CCDC136: variants seen among roughly 807,000 people sequenced by gnomAD.
CCDC136 encodes coiled-coil domain containing 136, also known as coiled-coil domain-containing protein 136.
Under a neutral mutation model 141.2 loss-of-function variants are expected in CCDC136, and 100 were observed. The observed-to-expected ratio is 0.71, with a 90% CI of 0.60 to 0.84. CCDC136 has a LOEUF of 0.84. Ranked by LOEUF, CCDC136 falls within the 40% of genes least tolerant of loss-of-function variation. The probability of loss-of-function intolerance (pLI) is 0.00; values close to 1 mark genes in which losing one functional copy is unlikely to be tolerated. For missense variants in CCDC136, 1,206 were observed against 1,379.4 expected (o/e 0.87, Z 1.99); for synonymous variants, 474 against 531.9 (o/e 0.89, Z 1.50).
Position 128,807,475 on chromosome 7 carries a change from G to A in CCDC136, c.1535G>A (p.Cys512Tyr), listed in dbSNP as rs1044812868. The A allele has an allele frequency of 2.6e-6, 4 of 1,545,034 alleles. No individual in the cohort carries two copies. The African/African-American group carries it at 4.1e-5, about 16-fold the overall frequency. The change falls in exon 10 of 18, where the codon TGC becomes TAC. Residue 512 changes from cysteine (C) to tyrosine (Y), a missense_variant. Cys to Tyr is a radical substitution (Grantham distance 194, BLOSUM62 -2). Coordinates refer to ENST00000297788, the MANE Select transcript of CCDC136 (RefSeq NM_022742.5). The stretch of plus-strand genomic sequence containing the variant: ...CAGCTGGAGCAGGACCTCCTGCTCT[G>A]CCAGCTGGAGCTGAAAGAGCTCAAG... Reference protein sequence around the residue: ...YDQLEQDLLLCQLELKELKAS... With the variant: ...YDQLEQDLLLYQLELKELKAS...
chr7:128,792,463 C>T, intron 1 of CCDC136, 36 bp downstream of exon 1: 1 of 1,516,820 alleles, frequency 6.6e-7, no homozygotes, highest in Non-Finnish European at 9.0e-7. Context: ...CTTTCCCCTC[C>T]CCTCCTCCCT....
chr7:128,811,890 G>A lies in CCDC136; in HGVS notation c.2119G>A (p.Gly707Arg). The A allele has an allele frequency of 6.2e-7, 1 of 1,613,680 alleles. No individual in the cohort carries two copies. Among genetic ancestry groups the A allele is most frequent in the Non-Finnish European group, 8.5e-7 (1 of 1,179,680 alleles). ...AKQELLQQEQ[G>R]RLLEERKRLQ... ...GCAGGAGCTCTTGCAGCAAGAGCAA[G>A]GGAGGCTCCTAGAGGAGCGGAAGAG... Residue 707 changes from glycine (G) to arginine (R), a missense_variant, in exon 13 of 18, where the codon GGG becomes AGG. Gly to Arg is a moderately radical substitution (Grantham distance 125). Transcript: ENST00000297788.
intron 15 of CCDC136, 113 bp downstream of exon 15, chr7:128,815,032 G>C: frequency 1.0e-6 from 1 of 957,560 alleles, no homozygotes; most frequent in African/African-American, 1.7e-5. Context: ...GAAGCTTCTG[G>C]GATCTCTGAA....
chr7:128,805,974 G>A lies in CCDC136; in HGVS notation c.1089+73G>A. ...ATGGAGGGGCTGCTTCAACCGGGGT[G>A]GGCACAGTGAGTATGGCTGTGCTCT... On this transcript the variant is annotated intron_variant, in intron 7 of 17. Coordinates refer to ENST00000297788, the MANE Select transcript of CCDC136 (RefSeq NM_022742.5). This position sits in a 1 kb window ranked among gnomAD's most constrained non-coding sequence, Gnocchi z 4.6. The A allele has an allele frequency of 4.5e-6, 7 of 1,558,618 alleles. No individual in the cohort carries two copies. Among genetic ancestry groups the A allele is most frequent in the Non-Finnish European group, 5.3e-6 (6 of 1,136,166 alleles).
intron 10 of CCDC136, chr7:128,809,168 G>T (rs553819398): frequency 5.4e-6 from 2 of 367,656 alleles, no homozygotes; most frequent in East Asian, 6.1e-5. Context: ...AAGGGGCATC[G>T]ATAGCATTCC....
Position 128,817,819 on chromosome 7 carries a change from C to T in CCDC136, c.3425C>T (p.Ser1142Leu), listed in dbSNP as rs750620928. 2.5e-5 allele frequency: 41 copies of T among 1,613,876 alleles called. No individual in the cohort carries two copies. In the East Asian group the frequency reaches 2.9e-4, roughly 11 times the overall value. ...CCTCTTGTAGGCCTGGTGGTCATCTCGGCTTTGCTCTGGTGCTGGTGGGCT... is the reference window on the plus strand; with the variant it reads ...CCTCTTGTAGGCCTGGTGGTCATCTTGGCTTTGCTCTGGTGCTGGTGGGCT... The part of the protein sequence containing the change: ...SLPLVGLVVI[S>L]ALLWCWWAET... Residue 1142 changes from serine to leucine, a missense_variant, in exon 17 of 18, where the codon TCG (serine) becomes TTG (leucine). By Grantham distance (145) the Ser-to-Leu change is moderately radical. Transcript: ENST00000297788. The surrounding 1 kb of genome is among the most constrained non-coding windows in gnomAD (Gnocchi z 4.6).
In CCDC136 at chr7:128,792,083, C is replaced by G; in HGVS notation, c.-329C>G. On this transcript the variant is annotated 5_prime_UTR_variant, in exon 1 of 18. Transcript: ENST00000297788. ...GACTAAATACGCACACCCCCTCTTTCTTTCTGTGCAAGCAAGAGGGTCCTG... is the reference window on the plus strand; with the variant it reads ...GACTAAATACGCACACCCCCTCTTTGTTTCTGTGCAAGCAAGAGGGTCCTG... 1 of 1,345,236 alleles carries G rather than the reference C, an allele frequency of 7.4e-7. No homozygotes were observed. 83.3% of individuals were successfully genotyped at this position (1,345,236 alleles called of 1,614,324 possible). A position where few individuals can be genotyped will look rare whatever the true frequency, so the allele number is the denominator to read the frequency against.
intron 3 of CCDC136, among the ~76,000 whole-genome samples, chr7:128,797,863 G>A (rs1334818025): frequency 1.3e-5 from 2 of 150,732 alleles, no homozygotes; most frequent in Middle Eastern, 3.2e-3. Flanking sequence ...TCAAACGGGC[G>A]AAAAGTCAGA....
intron 14 of CCDC136, among the ~76,000 whole-genome samples, 197 bp from the exon 15 acceptor site, chr7:128,814,441 G>A (rs1806268240): frequency 6.6e-6 from 1 of 152,138 alleles, no homozygotes; most frequent in Non-Finnish European, 1.5e-5. Context: ...CTCAAGTTAG[G>A]AGAAGCTATT....
chr7:128,791,848 G>A, upstream of CCDC136: 1 of 382,646 alleles, frequency 2.6e-6, no homozygotes, highest in Admixed American at 4.6e-5. This position sits in a 1 kb window ranked among gnomAD's most constrained non-coding sequence, Gnocchi z 7.1. Flanking sequence ...CTGCAGCCCC[G>A]GAGACTCCTG....
Position 128,809,462 on chromosome 7 carries a change from C to G in CCDC136, c.1618C>G (p.Leu540Val). ...GKCANKCDTL[L>V]SRLTELQEKY... ...CCCCCACCCACAGTGTGACACACTG[C>G]TGTCCAGACTGACAGAATTGCAGGA... The change falls in exon 11 of 18, where the codon CTG (leucine) becomes GTG (valine). Residue 540 changes from leucine to valine, a missense_variant. Physicochemically the swap from Leu to Val is conservative, Grantham distance 32. Transcript: ENST00000297788. 1 of 1,545,110 alleles carries G rather than the reference C, an allele frequency of 6.5e-7. No homozygotes were observed.
Position 128,796,735 on chromosome 7 carries a change from A to ATT in CCDC136, c.346+1968_346+1969insTT, listed in dbSNP as rs1562903685. Among the ~76,000 whole-genome samples the ATT allele has an allele frequency of 2.5e-5, 3 of 120,058 alleles. 1 individual carries two copies. The South Asian group carries it at 7.6e-4, about 30-fold the overall frequency. 78.8% of individuals were successfully genotyped at this position (120,058 alleles called of 152,430 possible). A position where few individuals can be genotyped will look rare whatever the true frequency, so the allele number is the denominator to read the frequency against. On this transcript the variant is annotated intron_variant, in intron 3 of 17. Transcript: ENST00000297788. ...GAGATGATTCAGAATATATATATAT[A>ATT]TATATTCTTTTTTTTTTTTTTTTTG... is the stretch of plus-strand genomic sequence containing the variant.
At chr7:128,798,066 C>T (rs1173098498) in intron 3 of CCDC136, among the ~76,000 whole-genome samples, 1 of 150,880 alleles carries the variant, frequency 6.6e-6, no homozygotes, top group East Asian at 2.0e-4. Flanking sequence ...TACAGGCGCC[C>T]GCCACCACAC....
At chr7:128,807,106 A>G (rs745363846) in intron 9 of CCDC136, among the ~76,000 whole-genome samples, 3 of 152,188 alleles carry the variant, frequency 2.0e-5, no homozygotes, top group Non-Finnish European at 4.4e-5. Flanking sequence ...AGGAAGCCCC[A>G]GAAGGTCTGT....
intron 3 of CCDC136, among the ~76,000 whole-genome samples, chr7:128,799,639 T>A (rs1803679291): frequency 2.0e-5 from 3 of 149,848 alleles, no homozygotes; most frequent in Non-Finnish European, 4.5e-5. Flanking sequence ...AGGACTTCTC[T>A]TATTTTTTTT....
chr7:128,801,195 G>A lies in CCDC136; in HGVS notation c.356G>A (p.Arg119His), dbSNP rs536247832. The change falls in exon 4 of 18, where the codon CGT becomes CAT. Residue 119 changes from arginine to histidine, a missense_variant. Physicochemically the swap from Arg to His is conservative, Grantham distance 29 (BLOSUM62 0). Coordinates refer to ENST00000297788, the MANE Select transcript of CCDC136 (RefSeq NM_022742.5). ...KQIQQLQGEL[R>H]SLREEISLLE... ...CCTTTGGACTTTGCAGGTGAGCTGCGTTCTCTACGGGAGGAGATTTCCCTG... is the reference window on the plus strand; with the variant it reads ...CCTTTGGACTTTGCAGGTGAGCTGCATTCTCTACGGGAGGAGATTTCCCTG... 55 of 1,611,262 alleles carry A rather than the reference G, an allele frequency of 3.4e-5. No homozygotes were observed. Among genetic ancestry groups the A allele is most frequent in the African/African-American group, 1.1e-4 (8 of 74,874 alleles).
At chr7:128,812,573 G>T (rs1805922184) in intron 13 of CCDC136, 135 bp from the exon 14 acceptor site, 2 of 738,548 alleles carry the variant, frequency 2.7e-6, no homozygotes, top group South Asian at 1.7e-5. Context: ...CTTTATGGGG[G>T]TAAATATAGT....
Position 128,817,628 on chromosome 7 carries a change from T to G in CCDC136, c.3364-130T>G. On this transcript the variant is annotated intron_variant, in intron 16 of 17. Transcript: ENST00000297788. The surrounding 1 kb of genome is among the most constrained non-coding windows in gnomAD (Gnocchi z 4.6). The stretch of plus-strand genomic sequence containing the variant: ...CATGCAACTGCTCTAGCTTACCTGT[T>G]TTTTAACCTCTTGATTCCTTTCTCT... The G allele has an allele frequency of 1.2e-6, 1 of 811,850 alleles. No individual in the cohort carries two copies. Among genetic ancestry groups the G allele is most frequent in the Non-Finnish European group, 2.2e-6 (1 of 457,134 alleles). The allele number at this position is 811,850 out of a possible 1,614,324, so 50.3% of individuals were successfully genotyped here.
rs1313876545 is a variant in CCDC136, at chr7:128,804,648, A to G, written c.671-2A>G. 4.5e-6 allele frequency: 7 copies of G among 1,552,674 alleles called. No individual in the cohort carries two copies. The highest frequency in any genetic ancestry group is 6.1e-6 in the Non-Finnish European group (7 of 1,144,178). ...TCATCTCTCTCTGCCTGTCCTCTGCAGAAGAACTGCAGGAGCTGCGGGAAC... is the reference window on the plus strand; with the variant it reads ...TCATCTCTCTCTGCCTGTCCTCTGCGGAAGAACTGCAGGAGCTGCGGGAAC... On this transcript the variant is annotated splice_acceptor_variant, in intron 4 of 17. Coordinates refer to ENST00000297788, the MANE Select transcript of CCDC136 (RefSeq NM_022742.5). LOFTEE classifies it high-confidence loss of function.
Sources: allele counts gnomAD v4.1 joint callset (sites outside exome capture counted in the v4.1 genomes callset), GRCh38; gene constraint gnomAD v4.1.1; non-coding constraint Gnocchi (gnomAD v3.1); transcripts MANE v1.5; gene names NCBI Gene and HGNC (gene_info 2026-07-23, HGNC 2026-07-21).